HDAC9: variants seen among roughly 807,000 people sequenced by gnomAD.
HDAC9 encodes MEF-2 interacting transcription repressor (MITR) protein.
A neutral mutation model predicts 139.4 loss-of-function variants in HDAC9; 41 were observed. That is an observed-to-expected ratio of 0.29 (90% CI 0.23 to 0.38). The LOEUF (loss-of-function observed/expected upper bound fraction) is 0.38, where lower values mean the gene tolerates loss of function less well. Ranked by LOEUF, HDAC9 falls within the 10% of genes least tolerant of loss-of-function variation. The probability of loss-of-function intolerance (pLI) is 1.00; values close to 1 mark genes in which losing one functional copy is unlikely to be tolerated. For missense variants in HDAC9, 1,147 were observed against 1,297.0 expected, an observed-to-expected ratio of 0.88 and a Z score of 1.78; for synonymous variants, 517 against 476.2, an observed-to-expected ratio of 1.09 and a Z score of -1.12.
intron 1 of HDAC9, among the ~76,000 whole-genome samples, chr7:18,351,338 C>G (rs1782833065): frequency 6.6e-6 from 1 of 152,022 alleles, no homozygotes; most frequent in South Asian, 2.1e-4. Context: ...TTGCAGTAAT[C>G]ACACAAAAAA....
At chr7:18,424,046 T>C (rs903685889) in intron 1 of HDAC9, among the ~76,000 whole-genome samples, 1 of 152,238 alleles carries the variant, frequency 6.6e-6, no homozygotes, top group Admixed American at 6.5e-5. Context: ...CCTATAAATA[T>C]GCAGTAATTT....
Position 18,523,389 on chromosome 7 carries a change from G to A in HDAC9, c.22+27065G>A, listed in dbSNP as rs79188012. ...AGAGAATAGTAAGAGTGAACTGGAA[G>A]GACCAGAAAGAGATAAATTGGGAAT... On this transcript the variant is annotated intron_variant, in intron 2 of 25. Coordinates refer to ENST00000686413, the MANE Select transcript of HDAC9 (RefSeq NM_178425.4). Among the ~76,000 whole-genome samples the A allele has an allele frequency of 5.3e-3, 807 of 152,272 alleles. 25 individuals are homozygous for A. In the East Asian group the frequency reaches 0.089, roughly 17 times the overall value.
chr7:18,844,765 A>G (rs944865016), intron 21 of HDAC9, among the ~76,000 whole-genome samples: 6 of 152,168 alleles, frequency 3.9e-5, no homozygotes, highest in Admixed American at 3.9e-4. Context: ...TTTATTACCC[A>G]AAGAGATCTG....
intron 1 of HDAC9, among the ~76,000 whole-genome samples, chr7:18,150,722 C>T (rs961742814): frequency 1.3e-5 from 2 of 152,194 alleles, no homozygotes; most frequent in Non-Finnish European, 2.9e-5. Context: ...CTCCAACTCA[C>T]TAAACAGGTT....
intron 2 of HDAC9, among the ~76,000 whole-genome samples, chr7:18,187,401 GCTTTT>G (rs2128146183): frequency 6.6e-6 from 1 of 152,246 alleles, no homozygotes; most frequent in Non-Finnish European, 1.5e-5. Context: ...CTAGCAAGTG[GCTTTT>G]CTTGTGACCA....
intron 1 of HDAC9, among the ~76,000 whole-genome samples, chr7:18,381,633 T>TATTC (rs1491262895): frequency 3.9e-5 from 6 of 152,108 alleles, no homozygotes; most frequent in African/African-American, 1.2e-4. Flanking sequence ...GAGAATAGAC[T>TATTC]ATTCATTCAG....
intron 23 of HDAC9, among the ~76,000 whole-genome samples, chr7:18,943,709 CTTAT>C (rs1782178236): frequency 1.3e-5 from 2 of 152,042 alleles, no homozygotes; most frequent in African/African-American, 4.8e-5. Context: ...TCCCTCTTAC[CTTAT>C]TCAAGGAATT....
intron 22 of HDAC9, among the ~76,000 whole-genome samples, chr7:18,913,053 TAAA>T (rs1046010316): frequency 1.2e-4 from 18 of 152,224 alleles, no homozygotes; most frequent in African/African-American, 4.1e-4. Flanking sequence ...TTTCTCTGCT[TAAA>T]AACTTTCTAT....
At chr7:18,829,038 G>A (rs1795667020) in intron 17 of HDAC9, 123 bp from the exon 18 acceptor site, 2 of 737,118 alleles carry the variant, frequency 2.7e-6, no homozygotes, top group Non-Finnish European at 5.0e-6. Flanking sequence ...AATCTCGGAA[G>A]CGTATGAGAC....
intron 2 of HDAC9, among the ~76,000 whole-genome samples, chr7:18,571,996 A>T (rs1477225259): frequency 3.3e-5 from 5 of 151,548 alleles, no homozygotes; most frequent in Non-Finnish European, 5.9e-5. Flanking sequence ...TCAAAATAGC[A>T]CATAATGATG....
chr7:18,688,915 A>G (rs986733774), intron 12 of HDAC9, among the ~76,000 whole-genome samples: 2 of 151,968 alleles, frequency 1.3e-5, no homozygotes, highest in African/African-American at 4.8e-5. Context: ...CACTGAAATA[A>G]GTTAAAATAT....
chr7:18,952,607 A>G (rs1782875719), intron 23 of HDAC9, among the ~76,000 whole-genome samples: 1 of 152,026 alleles, frequency 6.6e-6, no homozygotes, highest in Admixed American at 6.6e-5. Flanking sequence ...TTTATAAGCA[A>G]AGTAGCCCTC....
intron 21 of HDAC9, among the ~76,000 whole-genome samples, chr7:18,844,881 T>C (rs1012636261): frequency 3.9e-5 from 6 of 152,196 alleles, no homozygotes; most frequent in African/African-American, 1.4e-4. Flanking sequence ...CTGTAGAAGT[T>C]TCTGACACTG....
chr7:18,288,735 C>T (rs1797612289), upstream of HDAC9, among the ~76,000 whole-genome samples: 1 of 151,962 alleles, frequency 6.6e-6, no homozygotes, highest in Non-Finnish European at 1.5e-5. Flanking sequence ...TCTAGGTGAC[C>T]ATCGAGAATA....
chr7:18,514,180 T>C (rs1474024178), intron 2 of HDAC9, among the ~76,000 whole-genome samples: 4 of 152,226 alleles, frequency 2.6e-5, no homozygotes, highest in Non-Finnish European at 2.9e-5. Context: ...ATACAATGTA[T>C]GTATTACAAC....
At chr7:18,437,944 TACAC>T (rs574736728) in intron 1 of HDAC9, among the ~76,000 whole-genome samples, 220 of 148,714 alleles carry the variant, frequency 1.5e-3, no homozygotes, top group Middle Eastern at 0.014. Flanking sequence ...TATATAACGT[TACAC>T]ACACACACAC....
intron 13 of HDAC9, among the ~76,000 whole-genome samples, chr7:18,732,867 G>GTA (rs1346336204): frequency 1.0e-5 from 1 of 99,182 alleles, no homozygotes; most frequent in Non-Finnish European, 2.0e-5. Flanking sequence ...GTGCGTATGT[G>GTA]TACACACACA....
At chr7:18,746,267 T>A (rs986292297) in intron 13 of HDAC9, among the ~76,000 whole-genome samples, 1 of 152,198 alleles carries the variant, frequency 6.6e-6, no homozygotes, top group African/African-American at 2.4e-5. Context: ...TTGAAAAAAA[T>A]GTTAAACAGT....
chr7:18,216,538 TAC>T (rs927019391), intron 2 of HDAC9, among the ~76,000 whole-genome samples: 15 of 152,168 alleles, frequency 9.9e-5, no homozygotes, highest in African/African-American at 3.1e-4. Flanking sequence ...ATTATAGAAC[TAC>T]CCTGGCCTAT....
Sources: allele counts gnomAD v4.1 joint callset (sites outside exome capture counted in the v4.1 genomes callset), GRCh38; gene constraint gnomAD v4.1.1; transcripts MANE v1.5; gene names NCBI Gene and HGNC (gene_info 2026-07-23, HGNC 2026-07-21).